Variants in OVCH2 observed in about 807,000 individuals in gnomAD.
OVCH2 encodes the protein ovochymase 2, also known as ovochymase-2.
Under a neutral mutation model 73.7 loss-of-function variants are expected in OVCH2, and 88 were observed. The ratio of observed to expected loss-of-function variants is 1.19; its 90% CI spans 1.01 to 1.43. The LOEUF (loss-of-function observed/expected upper bound fraction) is 1.43. Ranked by LOEUF, OVCH2 falls within the 40% of genes most tolerant of loss-of-function variation. The pLI, the probability that OVCH2 is intolerant of heterozygous loss-of-function variation, is 0.00. For synonymous variants in OVCH2, 265 were observed against 234.5 expected, an observed-to-expected ratio of 1.13 and a Z score of -1.19; for missense variants, 706 against 674.5, an observed-to-expected ratio of 1.05 and a Z score of -0.52.
chr11:7,689,926 G>A lies in OVCH2; in HGVS notation c.*29C>T. The stretch of plus-strand genomic sequence containing the variant: ...AATTGGTCCCCAAAACAGCTTACCA[G>A]AAACATTGGTTTCTCCATTTGGCAC... On this transcript the variant is annotated splice_region_variant and 3_prime_UTR_variant, in exon 15 of 16. Coordinates refer to ENST00000533663, the MANE Select transcript of OVCH2 (RefSeq NM_198185.7). The A allele has an allele frequency of 6.7e-7, 1 of 1,489,840 alleles. No individual in the cohort carries two copies. Among genetic ancestry groups the A allele is most frequent in the Non-Finnish European group, 9.1e-7 (1 of 1,104,904 alleles). The allele number at this position is 1,489,840 out of a possible 1,614,324, so 92.3% of individuals were successfully genotyped here.
At chr11:7,700,075 G>C in intron 7 of OVCH2, 1 of 533,672 alleles carries the variant, frequency 1.9e-6, no homozygotes, top group Non-Finnish European at 3.3e-6. Flanking sequence ...GTCTAGGATG[G>C]ATGGATTCAT....
chr11:7,678,910 A>G, the OVCH2 span, among the ~76,000 whole-genome samples: 1 of 152,210 alleles, frequency 6.6e-6, no homozygotes, highest in African/African-American at 2.4e-5. Context: ...GCATGGAACA[A>G]ACCTGTGCAT....
At chr11:7,702,049 C>G in intron 4 of OVCH2, 108 bp downstream of exon 4, 1 of 1,073,866 alleles carries the variant, frequency 9.3e-7, no homozygotes, top group Non-Finnish European at 1.4e-6. Context: ...GCCTAAATTC[C>G]TATCTCAAAG....
At chr11:7,693,382 AAATGGTGAGCAT>A (rs1856258518) in intron 12 of OVCH2, among the ~76,000 whole-genome samples, 1 of 152,210 alleles carries the variant, frequency 6.6e-6, no homozygotes, top group South Asian at 2.1e-4. Flanking sequence ...TCTCCAAGTC[AAATGGTGAGCAT>A]ATTCCTATGA....
Position 7,695,078 on chromosome 11 carries a change from A to T in OVCH2, c.1393T>A (p.Ser465Thr). The T allele has an allele frequency of 6.4e-7, 1 of 1,551,186 alleles. No homozygotes were observed. Among genetic ancestry groups the T allele is most frequent in the Middle Eastern group, 1.7e-4 (1 of 5,994 alleles). ...AATACCTTAATTAGGTGATGTTTGG[A>T]GGCTTGAAAAATCCAGTCACAGTTA... ...KANCDWIFQA[S>T]KHHLIKLSFQ... The change falls in exon 12 of 16, where the codon TCC (serine) becomes ACC (threonine). Residue 465 changes from serine to threonine, a missense_variant. Transcript: ENST00000533663.
intron 13 of OVCH2, 140 bp downstream of exon 13, chr11:7,691,762 A>AG (rs1248733931): frequency 1.8e-5 from 12 of 648,924 alleles, no homozygotes; most frequent in Non-Finnish European, 3.1e-5. Flanking sequence ...AAGAAGACAA[A>AG]GGAGTGATGG....
At position 7,701,320 on chromosome 11, in the gene OVCH2, C is replaced by G; in HGVS notation, c.711+4G>C. ...GGCCTGACAGCCCCGCAGCTCCCAC[C>G]CACCTGACATGCGTCTCTCCCTCCA... On this transcript the variant is annotated splice_donor_region_variant and intron_variant, in intron 6 of 15. Coordinates refer to ENST00000533663, the MANE Select transcript of OVCH2 (RefSeq NM_198185.7). 2 of 1,607,850 alleles carry G rather than the reference C, an allele frequency of 1.2e-6. No homozygotes were observed. Among genetic ancestry groups the G allele is most frequent in the Non-Finnish European group, 1.7e-6 (2 of 1,178,068 alleles).
intron 10 of OVCH2, 31 bp from the exon 11 acceptor site, chr11:7,695,741 C>A: frequency 6.3e-7 from 1 of 1,579,606 alleles, no homozygotes; most frequent in Non-Finnish European, 8.6e-7. Flanking sequence ...ATTCTTTGTT[C>A]AGAATCTAGA....
chr11:7,701,411 C>T lies in OVCH2; in HGVS notation c.624G>A (p.Val208=). The change falls in exon 6 of 16, where the codon GTG becomes GTA. Residue 208 remains valine, a synonymous_variant. Coordinates refer to ENST00000533663, the MANE Select transcript of OVCH2 (RefSeq NM_198185.7). ...GCCTCTTTAGTGTTAACAGAGCTGC[C>T]ACACACTCTTCCCAGGTCAAAATAG... is the stretch of plus-strand genomic sequence containing the variant. The part of the protein sequence containing the change: ...NLPILTWEEC[V]AALLTLKRPI... 1 of 1,612,706 alleles carries T rather than the reference C, an allele frequency of 6.2e-7. No homozygotes were observed. Among genetic ancestry groups the T allele is most frequent in the Non-Finnish European group, 8.5e-7 (1 of 1,179,482 alleles).
At chr11:7,696,624 G>C in intron 9 of OVCH2, 35 bp from the exon 10 acceptor site, 1 of 1,613,974 alleles carries the variant, frequency 6.2e-7, no homozygotes, top group African/African-American at 1.3e-5. Flanking sequence ...GTTATTTCTA[G>C]ACAGAAAACG....
rs2136161495 is a variant in OVCH2 at position 7,701,719 on chromosome 11, C to T, written c.556G>A (p.Glu186Lys). The T allele has an allele frequency of 3.7e-6, 6 of 1,610,894 alleles. No individual in the cohort carries two copies. The highest frequency in any genetic ancestry group is 5.1e-6 in the Non-Finnish European group (6 of 1,178,708). Residue 186 changes from glutamate to lysine, a missense_variant, in exon 5 of 16, where the codon GAA becomes AAA. Physicochemically the swap from Glu to Lys is moderately conservative, Grantham distance 56. Transcript: ENST00000533663. ...CTTAGWGRLT[E>K]GGVLSQVLQE... ...GGAATGGCACACAAGTTCTTACCTT[C>T]AGTTAAGCGGCCCCAGCCTGCAGTT...
intron 7 of OVCH2, chr11:7,699,053 T>C (rs1565169470): frequency 8.2e-6 from 3 of 366,008 alleles, no homozygotes; most frequent in Non-Finnish European, 1.5e-5. Context: ...GAACAGAGGC[T>C]AGAGATGGAA....
the OVCH2 span, among the ~76,000 whole-genome samples, chr11:7,679,316 G>A: frequency 5.9e-5 from 9 of 152,224 alleles, no homozygotes; most frequent in Non-Finnish European, 1.0e-4. Flanking sequence ...GGGGGCTCCT[G>A]AATAGCCTCC....
At chr11:7,695,434 G>T in intron 11 of OVCH2, 136 bp downstream of exon 11, 1 of 977,406 alleles carries the variant, frequency 1.0e-6, no homozygotes, top group Non-Finnish European at 1.5e-6. Context: ...CTGTTCTCTA[G>T]TTGGCCTGTG....
At position 7,704,567 on chromosome 11, in the gene OVCH2, G is replaced by T. The variant is rs756597118; in HGVS notation, c.196C>A (p.Gln66Lys). ...GCATAGAAGTCCTTGAGACTCACCT[G>T]CCAGGGATAGGAACCCTTCTCCACT... ...SQVEKGSYPW[Q>K]VSLKQRQKHI... The change falls in exon 2 of 16, where the codon CAG (glutamine) becomes AAG (lysine). Residue 66 changes from glutamine to lysine, a missense_variant and splice_region_variant. By Grantham distance (53) the Gln-to-Lys change is moderately conservative. Transcript: ENST00000533663. 1 of 1,598,124 alleles carries T rather than the reference G, an allele frequency of 6.3e-7. No individual in the cohort carries two copies. Among genetic ancestry groups the T allele is most frequent in the Non-Finnish European group, 8.6e-7 (1 of 1,166,874 alleles).
Position 7,696,761 on chromosome 11 carries a change from C to A in OVCH2, c.964G>T (p.Glu322Ter). The A allele has an allele frequency of 6.2e-7, 1 of 1,612,038 alleles. No individual in the cohort carries two copies. Among genetic ancestry groups the A allele is most frequent in the Non-Finnish European group, 8.5e-7 (1 of 1,179,094 alleles). Residue 322 changes from glutamate (E) to a stop codon, truncating the protein, a stop_gained, in exon 9 of 16, where the codon GAG becomes TAG. Transcript: ENST00000533663. LOFTEE classifies it high-confidence loss of function. Reference protein sequence around the residue: ...SEQDVIVSGAEGKLHFPESLH... With the variant: ...SEQDVIVSGA Reference sequence around the variant, plus strand: ...CTTTCTGGGAAGTGCAGCTTCCCCTCAGCCCCGCTGACTATGACATCCTGC... The same window carrying A: ...CTTTCTGGGAAGTGCAGCTTCCCCTAAGCCCCGCTGACTATGACATCCTGC...
the OVCH2 span, among the ~76,000 whole-genome samples, chr11:7,683,015 C>A: frequency 4.6e-4 from 70 of 152,228 alleles, no homozygotes; most frequent in Admixed American, 1.2e-3. Context: ...TCAGTCAATG[C>A]TCCTCATTTC....
intron 1 of OVCH2, 172 bp downstream of exon 1, chr11:7,706,135 C>T (rs1856525930): frequency 3.2e-6 from 2 of 620,308 alleles, no homozygotes; most frequent in Non-Finnish European, 5.5e-6. Flanking sequence ...CACCCTGTGT[C>T]CTATGCCGAT....
At chr11:7,695,258 C>T in intron 11 of OVCH2, 70 bp from the exon 12 acceptor site, 3 of 1,454,000 alleles carry the variant, frequency 2.1e-6, no homozygotes, top group Admixed American at 2.6e-5. Context: ...TGCTCTCCCT[C>T]CTGTCTCCTG....
Sources: allele counts gnomAD v4.1 joint callset (sites outside exome capture counted in the v4.1 genomes callset), GRCh38; gene constraint gnomAD v4.1.1; transcripts MANE v1.5; gene names NCBI Gene and HGNC (gene_info 2026-07-23, HGNC 2026-07-21).